Variants in IL1RAP observed in about 807,000 individuals in gnomAD.
The protein encoded by IL1RAP is interleukin-1 receptor accessory protein.
A neutral mutation model predicts 60.7 loss-of-function variants in IL1RAP; 35 were observed. The ratio of observed to expected loss-of-function variants is 0.58; its 90% CI spans 0.44 to 0.76. The LOEUF is 0.76. Ranked by LOEUF, IL1RAP falls within the 30% of genes least tolerant of loss-of-function variation. IL1RAP has a pLI of 0.00. For missense variants in IL1RAP, 572 were observed against 693.9 expected (o/e 0.82, Z 1.97); for synonymous variants, 268 against 250.9 (o/e 1.07, Z -0.64).
intron 3 of IL1RAP, among the ~76,000 whole-genome samples, chr3:190,579,808 A>G (rs1240098533): frequency 1.3e-5 from 2 of 152,144 alleles, no homozygotes; most frequent in African/African-American, 2.4e-5. Flanking sequence ...TATTCCGGAT[A>G]TTTCATACAA....
At chr3:190,539,476 A>G (rs956179219) in intron 1 of IL1RAP, among the ~76,000 whole-genome samples, 1 of 151,954 alleles carries the variant, frequency 6.6e-6, no homozygotes, top group Non-Finnish European at 1.5e-5. Context: ...CATCTTCCCC[A>G]CTTCCCCTGG....
At chr3:190,652,952 C>T (rs1176296763), downstream of IL1RAP, among the ~76,000 whole-genome samples, 2 of 152,128 alleles carry the variant, frequency 1.3e-5, no homozygotes, top group East Asian at 3.8e-4. Context: ...ACTGATGTCA[C>T]TAGCTCTTTA....
At chr3:190,547,833 C>T (rs1323391092) in intron 1 of IL1RAP, among the ~76,000 whole-genome samples, 2 of 152,162 alleles carry the variant, frequency 1.3e-5, no homozygotes, top group Admixed American at 1.3e-4. Context: ...TGTTATAGCA[C>T]TTGTTAATGC....
At chr3:190,555,107 G>C (rs920234484) in intron 1 of IL1RAP, among the ~76,000 whole-genome samples, 10 of 152,100 alleles carry the variant, frequency 6.6e-5, no homozygotes, top group Non-Finnish European at 1.5e-4. Flanking sequence ...AAATTTAAGG[G>C]GAGAAAACCT....
intron 9 of IL1RAP, among the ~76,000 whole-genome samples, chr3:190,635,901 G>A (rs1733182158): frequency 6.6e-6 from 1 of 152,154 alleles, no homozygotes; most frequent in South Asian, 2.1e-4. Context: ...CGGACTCAGT[G>A]CTGGCTGTGT....
intron 1 of IL1RAP, among the ~76,000 whole-genome samples, chr3:190,514,549 C>T (rs1721332906): frequency 1.3e-5 from 2 of 151,734 alleles, no homozygotes; most frequent in Admixed American, 1.3e-4. Context: ...TACCACCCCC[C>T]GCCCCCATCT....
chr3:190,591,546 C>T (rs1728941191), intron 3 of IL1RAP, among the ~76,000 whole-genome samples: 1 of 152,104 alleles, frequency 6.6e-6, no homozygotes, highest in Non-Finnish European at 1.5e-5. Context: ...TGCAACTAGA[C>T]CTGAGGCCTG....
chr3:190,605,386 G>T (rs3773950), intron 4 of IL1RAP, among the ~76,000 whole-genome samples: 89,362 of 151,662 alleles, frequency 0.59, 29,454 homozygotes, highest in East Asian at 0.82. Context: ...AAAAACTGAG[G>T]CCTCTCCACA....
chr3:190,599,605 G>A (rs1729678493), intron 3 of IL1RAP, among the ~76,000 whole-genome samples: 1 of 151,306 alleles, frequency 6.6e-6, no homozygotes, highest in Non-Finnish European at 1.5e-5. Flanking sequence ...TTATTCTGGG[G>A]CAATTGATAG....
intron 3 of IL1RAP, among the ~76,000 whole-genome samples, chr3:190,596,915 A>T (rs993459154): frequency 9.9e-5 from 15 of 152,200 alleles, no homozygotes; most frequent in Non-Finnish European, 1.8e-4. Context: ...ATAATATAAA[A>T]AGCTCTGACA....
chr3:190,593,076 C>T (rs1198718300), intron 3 of IL1RAP, among the ~76,000 whole-genome samples: 1 of 145,430 alleles, frequency 6.9e-6, no homozygotes, highest in Non-Finnish European at 1.5e-5. Flanking sequence ...TCACCAAACC[C>T]TTTTTTTTTT....
chr3:190,551,692 C>G (rs1286325160), intron 1 of IL1RAP, among the ~76,000 whole-genome samples: 6 of 152,128 alleles, frequency 3.9e-5, no homozygotes, highest in Admixed American at 2.6e-4. Flanking sequence ...CCAAAGTTAT[C>G]AAAAACCTGT....
Position 190,645,709 on chromosome 3 carries a change from G to A in IL1RAP, c.1212G>A (p.Glu404=). Residue 404 remains glutamate, a synonymous_variant, in exon 11 of 12, where the codon GAG becomes GAA. Transcript: ENST00000447382. The stretch of plus-strand genomic sequence containing the variant: ...TGTTCCTTTTGCTAGATGGAAAAGA[G>A]TATGATATTTATGTATCCTATGCAA... ...GTDETILDGK[E]YDIYVSYARN... The A allele has an allele frequency of 6.2e-7, 1 of 1,611,046 alleles. No individual in the cohort carries two copies. Among genetic ancestry groups the A allele is most frequent in the Admixed American group, 1.7e-5 (1 of 59,830 alleles).
At chr3:190,586,376 G>A (rs771543948) in intron 3 of IL1RAP, among the ~76,000 whole-genome samples, 1 of 152,126 alleles carries the variant, frequency 6.6e-6, no homozygotes, top group African/African-American at 2.4e-5. Context: ...TGAAGGACAT[G>A]CCATAAGCCA....
At chr3:190,572,054 G>T (rs1339948635) in intron 3 of IL1RAP, among the ~76,000 whole-genome samples, 1 of 151,936 alleles carries the variant, frequency 6.6e-6, no homozygotes, top group Non-Finnish European at 1.5e-5. Context: ...TTTTTTTCAA[G>T]GGGGAGAAAT....
At chr3:190,545,963 G>A (rs543767223) in intron 1 of IL1RAP, among the ~76,000 whole-genome samples, 4 of 152,220 alleles carry the variant, frequency 2.6e-5, no homozygotes, top group African/African-American at 7.2e-5. Flanking sequence ...TTCATTCCCC[G>A]CGTAGTCATA....
Position 190,648,435 on chromosome 3 carries a change from G to T in IL1RAP, c.1443G>T (p.Leu481=). ...NYVLQGTQAL[L]ELKAGLENMA... is the part of the protein sequence containing the mutation. ...TGCTCCAGGGAACCCAAGCCCTCCT[G>T]GAGCTCAAGGCTGGCCTAGAAAATA... is the stretch of plus-strand genomic sequence containing the variant. The change falls in exon 12 of 12, where the codon CTG becomes CTT. Residue 481 remains leucine, a synonymous_variant. Transcript: ENST00000447382. 1 of 1,614,068 alleles carries T rather than the reference G, an allele frequency of 6.2e-7. No homozygotes were observed. Among genetic ancestry groups the T allele is most frequent in the Admixed American group, 1.7e-5 (1 of 60,010 alleles).
At chr3:190,578,101 G>C (rs1287137910) in intron 3 of IL1RAP, among the ~76,000 whole-genome samples, 2 of 152,008 alleles carry the variant, frequency 1.3e-5, no homozygotes, top group Admixed American at 1.3e-4. Flanking sequence ...TACCTATCGG[G>C]TATCTATACC....
chr3:190,631,806 T>A (rs893871671), intron 9 of IL1RAP, among the ~76,000 whole-genome samples: 1 of 152,142 alleles, frequency 6.6e-6, no homozygotes, highest in Non-Finnish European at 1.5e-5. Context: ...TTTTTATTTA[T>A]TTTTTATTTT....
Sources: allele counts gnomAD v4.1 joint callset (sites outside exome capture counted in the v4.1 genomes callset), GRCh38; gene constraint gnomAD v4.1.1; transcripts MANE v1.5; gene names NCBI Gene and HGNC (gene_info 2026-07-23, HGNC 2026-07-21).